The following APLP2 variants were observed in gnomAD, a reference collection of about 807,000 sequenced individuals.
APLP2 encodes the protein CDEI box-binding protein.
In APLP2, 53 loss-of-function variants were observed where a neutral mutation model predicts 89.9. The ratio of observed to expected loss-of-function variants is 0.59; its 90% confidence interval spans 0.47 to 0.74. The LOEUF (loss-of-function observed/expected upper bound fraction) is 0.74. APLP2 is among the 30% of genes least tolerant of loss of function. APLP2 has a pLI of 0.00. For missense variants in APLP2, 973 were observed against 975.9 expected (o/e 1.00, Z 0.04); for synonymous variants, 372 against 348.6 (o/e 1.07, Z -0.75).
chr11:130,090,471 G>T (rs1315824631), intron 1 of APLP2, among the ~76,000 whole-genome samples: 1 of 151,092 alleles, frequency 6.6e-6, no homozygotes, highest in Non-Finnish European at 1.5e-5. Context: ...GACTCTTAAC[G>T]AGCATGCTGC....
At position 130,126,843 on chromosome 11, in the gene APLP2, A is replaced by T; in HGVS notation, c.1221+13A>T. On this transcript the variant is annotated intron_variant, in intron 8 of 16. Coordinates refer to ENST00000338167, the MANE Select transcript of APLP2 (RefSeq NM_001142276.2). Reference sequence around the variant, plus strand: ...CCGAATGGACAGGGTAAACCTTGACAATTTCTTCATCTTCATGGTACTTGG... The same window carrying T: ...CCGAATGGACAGGGTAAACCTTGACTATTTCTTCATCTTCATGGTACTTGG... 1.2e-6 allele frequency: 2 copies of T among 1,613,886 alleles called. No individual in the cohort carries two copies. Among genetic ancestry groups the T allele is most frequent in the South Asian group, 2.2e-5 (2 of 91,078 alleles).
At chr11:130,133,397 A>G (rs1201465030) in intron 11 of APLP2, among the ~76,000 whole-genome samples, 1 of 152,226 alleles carries the variant, frequency 6.6e-6, no homozygotes, top group Non-Finnish European at 1.5e-5. Context: ...TGCTGGAATT[A>G]CAGGTGTGAG....
intron 13 of APLP2, chr11:130,139,155 G>A (rs984484267): frequency 6.6e-5 from 10 of 152,162 alleles, no homozygotes; most frequent in African/African-American, 2.2e-4. Context: ...GAATCTAGTC[G>A]TGCAAGTCTT....
At chr11:130,135,478 G>A (rs1951462641) in intron 12 of APLP2, 85 bp from the exon 13 acceptor site, 1 of 1,444,230 alleles carries the variant, frequency 6.9e-7, no homozygotes, top group Non-Finnish European at 9.4e-7. Flanking sequence ...AGCCACAGTG[G>A]GGTCTTGGAG....
intron 1 of APLP2, among the ~76,000 whole-genome samples, chr11:130,090,945 C>G (rs1292679802): frequency 7.5e-6 from 1 of 133,396 alleles, no homozygotes; most frequent in African/African-American, 2.8e-5. Context: ...GGCGGGGGGC[C>G]GACACCCCCA....
intron 1 of APLP2, among the ~76,000 whole-genome samples, chr11:130,103,500 A>G (rs1206882028): frequency 6.6e-6 from 1 of 152,162 alleles, no homozygotes; most frequent in Non-Finnish European, 1.5e-5. Flanking sequence ...TCTTTAGGGA[A>G]GATAGTACTG....
intron 11 of APLP2, among the ~76,000 whole-genome samples, chr11:130,131,914 C>T (rs954363019): frequency 1.3e-5 from 2 of 152,208 alleles, no homozygotes; most frequent in African/African-American, 2.4e-5. Flanking sequence ...AGCTTTAATT[C>T]TGGCAAAGCT....
At chr11:130,087,768 C>T (rs1013390217) in intron 1 of APLP2, among the ~76,000 whole-genome samples, 3 of 151,970 alleles carry the variant, frequency 2.0e-5, no homozygotes, top group Non-Finnish European at 2.9e-5. Flanking sequence ...AATGTTTTTC[C>T]GTCTAGCCAC....
At chr11:130,132,888 C>G (rs1206354167) in intron 11 of APLP2, among the ~76,000 whole-genome samples, 1 of 152,026 alleles carries the variant, frequency 6.6e-6, no homozygotes, top group Non-Finnish European at 1.5e-5. Context: ...TTTTTTAATC[C>G]CATCTAATCT....
chr11:130,081,439 C>T (rs1412121233), intron 1 of APLP2, among the ~76,000 whole-genome samples: 1 of 152,148 alleles, frequency 6.6e-6, no homozygotes, highest in Non-Finnish European at 1.5e-5. Context: ...ATTTTACCCT[C>T]ATTTTATAAG....
rs1167839412 is a variant in APLP2 at position 130,074,813 on chromosome 11, A to G, written c.105+4731A>G. Among the ~76,000 whole-genome samples, 12 of 152,232 alleles carry G rather than the reference A, an allele frequency of 7.9e-5. No individual in the cohort carries two copies. In the East Asian group the frequency reaches 2.3e-3, roughly 29 times the overall value. On this transcript the variant is annotated intron_variant, in intron 1 of 16. Coordinates refer to ENST00000338167, the MANE Select transcript of APLP2 (RefSeq NM_001142276.2). Reference sequence around the variant, plus strand: ...AACAATGATTATTTCGAATTATGCTAACATGAACTACTCAAAGAAAATAAT... The same window carrying G: ...AACAATGATTATTTCGAATTATGCTGACATGAACTACTCAAAGAAAATAAT...
chr11:130,096,144 C>CTG (rs569620658), intron 1 of APLP2, among the ~76,000 whole-genome samples: 383 of 152,282 alleles, frequency 2.5e-3, no homozygotes, highest in Non-Finnish European at 3.9e-3. Flanking sequence ...GCTTCGAGTT[C>CTG]TGGGAGTTCA....
Position 130,123,528 on chromosome 11 carries a change from C to A in APLP2, c.923-84C>A. The A allele has an allele frequency of 1.4e-6, 2 of 1,439,142 alleles. No homozygotes were observed. The highest frequency in any genetic ancestry group is 2.0e-5 in the Admixed American group (1 of 49,662). The allele number at this position is 1,439,142 out of a possible 1,614,324, so 89.1% of individuals were successfully genotyped here. On this transcript the variant is annotated intron_variant, in intron 6 of 16. Coordinates refer to ENST00000338167, the MANE Select transcript of APLP2 (RefSeq NM_001142276.2). The surrounding 1 kb of genome is among the most constrained non-coding windows in gnomAD (Gnocchi z 4.0). ...CAGTCTCAGGCCTCCCCCAGCCCAT[C>A]CCCCAGCTCGCCAGCCTGTAGCATT...
chr11:130,135,654 G>C lies in APLP2; in HGVS notation c.1776G>C (p.Glu592Asp), dbSNP rs1299051203. Residue 592 changes from glutamate to aspartate, a missense_variant, in exon 13 of 17, where the codon GAG becomes GAC. Transcript: ENST00000338167. ...TGGACGTCCGGGTGAGCTCTGAGGA[G>C]AGTGAGGAGATCCCACCGTTCCACC... is the stretch of plus-strand genomic sequence containing the variant. ...TPVDVRVSSE[E>D]SEEIPPFHPF... The C allele has an allele frequency of 1.9e-6, 3 of 1,614,212 alleles. No homozygotes were observed. The highest frequency in any genetic ancestry group is 2.5e-6 in the Non-Finnish European group (3 of 1,180,026).
intron 1 of APLP2, among the ~76,000 whole-genome samples, chr11:130,090,247 CTTTTT>C (rs539249012): frequency 2.3e-5 from 2 of 86,116 alleles, no homozygotes; most frequent in African/African-American, 8.7e-5. Flanking sequence ...CTAGCTCTGT[CTTTTT>C]TTTTTTTTTT....
chr11:130,078,924 T>C (rs1565548755), intron 1 of APLP2, among the ~76,000 whole-genome samples: 1 of 152,104 alleles, frequency 6.6e-6, no homozygotes, highest in Admixed American at 6.5e-5. Context: ...ATCTTAGCTC[T>C]TCCCTTAACC....
At chr11:130,129,353 T>TA (rs1276576107) in intron 10 of APLP2, 147 bp downstream of exon 10, 1 of 922,636 alleles carries the variant, frequency 1.1e-6, no homozygotes, top group African/African-American at 1.7e-5. Context: ...GAAAAGGTAT[T>TA]ACATTCTAAT....
rs1591828553 is a variant in APLP2, at chr11:130,123,921, G to A, written c.1090+142G>A. The A allele has an allele frequency of 1.1e-6, 1 of 909,360 alleles. No individual in the cohort carries two copies. The highest frequency in any genetic ancestry group is 2.5e-5 in the East Asian group (1 of 40,426). The allele number at this position is 909,360 out of a possible 1,614,324, so 56.3% of individuals were successfully genotyped here. On this transcript the variant is annotated intron_variant, in intron 7 of 16. Coordinates refer to ENST00000338167, the MANE Select transcript of APLP2 (RefSeq NM_001142276.2). The surrounding 1 kb of genome is among the most constrained non-coding windows in gnomAD (Gnocchi z 4.0). ...TCGGTCGTCTTCCCCTCATCTTTGT[G>A]CTTTCTAGATCTAGGCTTTGCTCTC...
intron 1 of APLP2, among the ~76,000 whole-genome samples, chr11:130,093,750 A>AT (rs879698044): frequency 9.6e-4 from 143 of 148,480 alleles, no homozygotes; most frequent in Non-Finnish European, 1.4e-3. Context: ...TTTTTTATTT[A>AT]TTTTTTTTTT....
Sources: allele counts gnomAD v4.1 joint callset (sites outside exome capture counted in the v4.1 genomes callset), GRCh38; gene constraint gnomAD v4.1.1; non-coding constraint Gnocchi (gnomAD v3.1); transcripts MANE v1.5; gene names NCBI Gene and HGNC (gene_info 2026-07-23, HGNC 2026-07-21).